PCDHGA11: variants seen among roughly 807,000 people sequenced by gnomAD.
The protein encoded by PCDHGA11 is protocadherin gamma-A11.
PCDHGA11 carries 39 observed loss-of-function variants against 60.4 expected under a neutral mutation model. The observed-to-expected ratio is 0.65, with a 90% confidence interval of 0.50 to 0.84. The LOEUF is 0.84. PCDHGA11 is among the 40% of genes least tolerant of loss of function. The probability of loss-of-function intolerance (pLI) is 0.00; values close to 1 mark genes in which losing one functional copy is unlikely to be tolerated. For missense variants in PCDHGA11, 1,165 were observed against 1,197.7 expected (o/e 0.97, Z 0.40); for synonymous variants, 533 against 510.3 (o/e 1.04, Z -0.60).
Position 141,487,421 on chromosome 5 carries a change from C to T in PCDHGA11, c.2434-7386C>T. ...GGGGCTTCCCCCTTCCAATGGGATC[C>T]TCCGAATCCAGCTAGGGTCAGATGA... On this transcript the variant is annotated intron_variant, in intron 1 of 3. Coordinates refer to ENST00000398587, the MANE Select transcript of PCDHGA11 (RefSeq NM_018914.3). This position sits in a 1 kb window ranked among gnomAD's most constrained non-coding sequence, Gnocchi z 5.0. The T allele has an allele frequency of 6.2e-7, 1 of 1,614,144 alleles. No homozygotes were observed. The highest frequency in any genetic ancestry group is 1.1e-5 in the South Asian group (1 of 91,082).
intron 1 of PCDHGA11, among the ~76,000 whole-genome samples, chr5:141,465,905 G>A (rs938438286): frequency 6.6e-6 from 1 of 151,958 alleles, no homozygotes; most frequent in Admixed American, 6.6e-5. Flanking sequence ...GGCAAATCAC[G>A]AGGTCAGGAT....
intron 1 of PCDHGA11, among the ~76,000 whole-genome samples, chr5:141,484,627 A>G (rs866882607): frequency 5.3e-5 from 8 of 152,162 alleles, no homozygotes; most frequent in Middle Eastern, 3.4e-3. Flanking sequence ...TGGCTTGAAC[A>G]AAGTGACCAC....
Position 141,500,858 on chromosome 5 carries a change from A to G in PCDHGA11, c.2493-4535A>G, listed in dbSNP as rs1160743056. Among the ~76,000 whole-genome samples the G allele has an allele frequency of 3.3e-5, 5 of 150,740 alleles. No individual in the cohort carries two copies. The South Asian group carries it at 1.0e-3, about 32-fold the overall frequency. ...TAATGGGCTTTTGCTACATTAGAAA[A>G]CATACACATTCATTTACAATTTTTT... On this transcript the variant is annotated intron_variant, in intron 2 of 3. Coordinates refer to ENST00000398587, the MANE Select transcript of PCDHGA11 (RefSeq NM_018914.3).
intron 1 of PCDHGA11, among the ~76,000 whole-genome samples, chr5:141,453,999 A>C (rs1561953352): frequency 6.6e-6 from 1 of 152,258 alleles, no homozygotes; most frequent in South Asian, 2.1e-4. Flanking sequence ...ATAAACCCAC[A>C]TAACATTTTA....
rs1384951887 is a variant in PCDHGA11, at chr5:141,465,860, T to C, written c.2434-28947T>C. ...AACTGAGGCTGGGCCCAGTGGCTCA[T>C]GCCTGTAATCCCAGCACTTTGGGAG... On this transcript the variant is annotated intron_variant, in intron 1 of 3. Coordinates refer to ENST00000398587, the MANE Select transcript of PCDHGA11 (RefSeq NM_018914.3). Among the ~76,000 whole-genome samples the C allele has an allele frequency of 2.0e-5, 3 of 152,114 alleles. No individual in the cohort carries two copies. The South Asian group carries it at 6.2e-4, about 32-fold the overall frequency.
Position 141,421,678 on chromosome 5 carries a change from G to C in PCDHGA11, c.451G>C (p.Ala151Pro), listed in dbSNP as rs903229017. The C allele has an allele frequency of 3.7e-6, 6 of 1,613,776 alleles. No homozygotes were observed. Among genetic ancestry groups the C allele is most frequent in the Non-Finnish European group, 5.1e-6 (6 of 1,179,858 alleles). Residue 151 changes from alanine to proline, a missense_variant, in exon 1 of 4, where the codon GCG becomes CCG. Transcript: ENST00000398587. ...IKVSEHAIPG[A>P]RFALPNARDP... is the part of the protein sequence containing the mutation. ...AGTCAGTGAGCACGCAATTCCTGGG[G>C]CGCGATTTGCTCTTCCTAATGCTAG...
Position 141,491,815 on chromosome 5 carries a change from C to T in PCDHGA11, c.2434-2992C>T. The T allele has an allele frequency of 6.7e-7, 1 of 1,485,264 alleles. No individual in the cohort carries two copies. Among genetic ancestry groups the T allele is most frequent in the African/African-American group, 1.4e-5 (1 of 70,622 alleles). The allele number at this position is 1,485,264 out of a possible 1,614,324, so 92.0% of individuals were successfully genotyped here. ...CCTCTCCGGCCGGCTTGGTCGCTGGCTGCGCTCCACCCGATTCTCGGGATC... is the reference window on the plus strand; with the variant it reads ...CCTCTCCGGCCGGCTTGGTCGCTGGTTGCGCTCCACCCGATTCTCGGGATC... On this transcript the variant is annotated intron_variant, in intron 1 of 3. Coordinates refer to ENST00000398587, the MANE Select transcript of PCDHGA11 (RefSeq NM_018914.3). This position sits in a 1 kb window ranked among gnomAD's most constrained non-coding sequence, Gnocchi z 6.9.
intron 1 of PCDHGA11, among the ~76,000 whole-genome samples, chr5:141,439,251 A>G (rs1467023466): frequency 6.6e-6 from 1 of 152,112 alleles, no homozygotes; most frequent in Non-Finnish European, 1.5e-5. Context: ...ATTTCAGCTG[A>G]AGATTCAGCC....
Position 141,422,479 on chromosome 5 carries a change from A to G in PCDHGA11, c.1252A>G (p.Ser418Gly). ...AGTGCTGGACAGGGAGTTGGTCCAG[A>G]GCTACAATATAACGTTGACAGCCAC... ...SRVLDRELVQ[S>G]YNITLTATDQ... Residue 418 changes from serine (S) to glycine (G), a missense_variant, in exon 1 of 4, where the codon AGC (serine) becomes GGC (glycine). By Grantham distance (56) the Ser-to-Gly change is moderately conservative (BLOSUM62 0). Transcript: ENST00000398587. The G allele has an allele frequency of 6.2e-7, 1 of 1,613,890 alleles. No individual in the cohort carries two copies. The highest frequency in any genetic ancestry group is 8.5e-7 in the Non-Finnish European group (1 of 1,179,852).
In PCDHGA11 at chr5:141,490,304, T is replaced by G. The variant is rs2099698490; in HGVS notation, c.2434-4503T>G. On this transcript the variant is annotated intron_variant, in intron 1 of 3. Coordinates refer to ENST00000398587, the MANE Select transcript of PCDHGA11 (RefSeq NM_018914.3). This position sits in a 1 kb window ranked among gnomAD's most constrained non-coding sequence, Gnocchi z 5.4. ...GCCCCAGAGGTGCTATTGGCCTCTT[T>G]GGCCAACCCTGTCCTAGAGAGCACA... 1.2e-6 allele frequency: 2 copies of G among 1,614,026 alleles called. No homozygotes were observed. The highest frequency in any genetic ancestry group is 1.7e-5 in the Admixed American group (1 of 60,010).
Position 141,489,351 on chromosome 5 carries a change from G to A in PCDHGA11, c.2434-5456G>A, listed in dbSNP as rs2099685862. ...GGCAGCTTCGTTACTCAGTGGTGGAGGAGTCTGAGCCGGGGACGCTGGTGG... is the reference window on the plus strand; with the variant it reads ...GGCAGCTTCGTTACTCAGTGGTGGAAGAGTCTGAGCCGGGGACGCTGGTGG... On this transcript the variant is annotated intron_variant, in intron 1 of 3. Transcript: ENST00000398587. This position sits in a 1 kb window ranked among gnomAD's most constrained non-coding sequence, Gnocchi z 4.5. The A allele has an allele frequency of 6.2e-7, 1 of 1,612,202 alleles. No individual in the cohort carries two copies. The highest frequency in any genetic ancestry group is 1.3e-5 in the African/African-American group (1 of 75,006).
At chr5:141,423,967 A>C (rs760284844) in intron 1 of PCDHGA11, 11 of 1,153,498 alleles carry the variant, frequency 9.5e-6, no homozygotes, top group Non-Finnish European at 1.2e-5. Flanking sequence ...TTTTTCTATT[A>C]TCAGTGTATG....
chr5:141,434,784 A>C (rs967716221), intron 1 of PCDHGA11, among the ~76,000 whole-genome samples: 1 of 150,278 alleles, frequency 6.7e-6, no homozygotes, highest in African/African-American at 2.5e-5. Flanking sequence ...AAAAAAAAAA[A>C]TTTTTTTTTC....
At chr5:141,450,887 C>T (rs531604055) in intron 1 of PCDHGA11, among the ~76,000 whole-genome samples, 18 of 148,682 alleles carry the variant, frequency 1.2e-4, no homozygotes, top group East Asian at 1.2e-3. Flanking sequence ...TGCAGTGGTG[C>T]GATATCGGCT....
At chr5:141,461,242 T>G (rs1246270739) in intron 1 of PCDHGA11, among the ~76,000 whole-genome samples, 1 of 152,170 alleles carries the variant, frequency 6.6e-6, no homozygotes, top group Non-Finnish European at 1.5e-5. Context: ...TGTACTAATT[T>G]ATATTCCCAG....
intron 1 of PCDHGA11, among the ~76,000 whole-genome samples, chr5:141,437,310 C>T (rs1226274834): frequency 6.6e-6 from 1 of 152,166 alleles, no homozygotes; most frequent in Non-Finnish European, 1.5e-5. Flanking sequence ...TTAAAGCGTT[C>T]AGCTATAATT....
chr5:141,489,405 G>A lies in PCDHGA11; in HGVS notation c.2434-5402G>A. ...ATGTTGCTCAGGATCTGGGCTTAAA[G>A]ATGACAGATCTGTTGAGCCGGCGGC... On this transcript the variant is annotated intron_variant, in intron 1 of 3. Transcript: ENST00000398587. This position sits in a 1 kb window ranked among gnomAD's most constrained non-coding sequence, Gnocchi z 4.5. The A allele has an allele frequency of 1.2e-6, 2 of 1,614,204 alleles. No individual in the cohort carries two copies. The highest frequency in any genetic ancestry group is 2.2e-5 in the South Asian group (2 of 91,088).
In PCDHGA11 at chr5:141,423,327, A is replaced by G; in HGVS notation, c.2100A>G (p.Ala700=). ...TGTACTTGGTGGTGGCGGTGGCCGCAGTCTCCTGCATCTTCCTGGTCTTTG... is the reference window on the plus strand; with the variant it reads ...TGTACTTGGTGGTGGCGGTGGCCGCGGTCTCCTGCATCTTCCTGGTCTTTG... ...LSLYLVVAVA[A]VSCIFLVFVI... Residue 700 remains alanine, a synonymous_variant, in exon 1 of 4, where the codon GCA becomes GCG. Coordinates refer to ENST00000398587, the MANE Select transcript of PCDHGA11 (RefSeq NM_018914.3). 1 of 1,614,100 alleles carries G rather than the reference A, an allele frequency of 6.2e-7. No homozygotes were observed. The highest frequency in any genetic ancestry group is 8.5e-7 in the Non-Finnish European group (1 of 1,180,006).
At chr5:141,429,329 A>G (rs1561840804) in intron 1 of PCDHGA11, among the ~76,000 whole-genome samples, 1 of 152,122 alleles carries the variant, frequency 6.6e-6, no homozygotes, top group Non-Finnish European at 1.5e-5. Flanking sequence ...TCTTTAATCC[A>G]TTAACTATAA....
Sources: allele counts gnomAD v4.1 joint callset (sites outside exome capture counted in the v4.1 genomes callset), GRCh38; gene constraint gnomAD v4.1.1; non-coding constraint Gnocchi (gnomAD v3.1); transcripts MANE v1.5; gene names NCBI Gene and HGNC (gene_info 2026-07-23, HGNC 2026-07-21).